Variants in ADAMTS3 observed in about 807,000 individuals in gnomAD.
ADAMTS3 encodes the protein ADAM metallopeptidase with thrombospondin type 1 motif 3.
Under a neutral mutation model 129.0 loss-of-function variants are expected in ADAMTS3, and 73 were observed. That is an observed-to-expected ratio of 0.57 (90% confidence interval 0.47 to 0.69). ADAMTS3 has a LOEUF of 0.69. ADAMTS3 is among the 30% of genes least tolerant of loss of function. ADAMTS3 has a pLI of 0.00. For synonymous variants in ADAMTS3, 477 were observed against 510.8 expected (o/e 0.93, Z 0.89); for missense variants, 1,457 against 1,514.5 (o/e 0.96, Z 0.63).
chr4:72,318,791 T>C, intron 9 of ADAMTS3, 87 bp from the exon 10 acceptor site: 2 of 1,334,100 alleles, frequency 1.5e-6, no homozygotes, highest in South Asian at 2.9e-5. Flanking sequence ...TTAGCTTATA[T>C]ACTTTAGAAT....
At chr4:72,518,346 A>G (rs2109736811) in intron 3 of ADAMTS3, among the ~76,000 whole-genome samples, 1 of 152,286 alleles carries the variant, frequency 6.6e-6, no homozygotes, top group South Asian at 2.1e-4. Flanking sequence ...GTAGATGTCT[A>G]TTAGGTACAC....
At chr4:72,395,129 C>CCA (rs1211988751) in intron 4 of ADAMTS3, among the ~76,000 whole-genome samples, 2 of 151,978 alleles carry the variant, frequency 1.3e-5, no homozygotes, top group Non-Finnish European at 2.9e-5. Context: ...TTCACCATGT[C>CCA]GATCAGGCTG....
intron 3 of ADAMTS3, among the ~76,000 whole-genome samples, chr4:72,479,081 C>T (rs147824424): frequency 5.9e-5 from 9 of 152,082 alleles, no homozygotes; most frequent in African/African-American, 1.4e-4. Context: ...ATGCTCATGG[C>T]TAGGAAGAAT....
intron 4 of ADAMTS3, among the ~76,000 whole-genome samples, chr4:72,392,913 G>C (rs942750183): frequency 6.0e-5 from 4 of 66,292 alleles, no homozygotes; most frequent in African/African-American, 1.6e-4. Context: ...TCTACCCATC[G>C]GATTTTTTTT....
chr4:72,489,589 G>T (rs1418413052), intron 3 of ADAMTS3, among the ~76,000 whole-genome samples: 3 of 151,904 alleles, frequency 2.0e-5, no homozygotes, highest in African/African-American at 7.2e-5. Context: ...TCCTTCTGAG[G>T]TATAGTCAGA....
chr4:72,474,727 A>T (rs144185730), intron 3 of ADAMTS3, among the ~76,000 whole-genome samples: 2,509 of 152,282 alleles, frequency 0.016, 62 homozygotes, highest in African/African-American at 0.057. Context: ...GCTATTAATA[A>T]ATCAAAATAG....
intron 3 of ADAMTS3, among the ~76,000 whole-genome samples, chr4:72,444,685 A>T (rs1349203600): frequency 6.6e-6 from 1 of 151,820 alleles, no homozygotes; most frequent in Admixed American, 6.6e-5. Flanking sequence ...GGAAAATAGC[A>T]TAGGCTACGT....
intron 15 of ADAMTS3, 31 bp from the exon 16 acceptor site, chr4:72,306,098 C>G: frequency 1.3e-6 from 2 of 1,542,934 alleles, no homozygotes; most frequent in Non-Finnish European, 1.8e-6. Flanking sequence ...TTGTAGGAAG[C>G]AAAGAAGAAA....
intron 3 of ADAMTS3, among the ~76,000 whole-genome samples, chr4:72,464,886 C>G (rs1232364123): frequency 2.0e-5 from 3 of 152,004 alleles, no homozygotes; most frequent in Non-Finnish European, 1.5e-5. Context: ...CAAGCATTCA[C>G]AATCACAAGG....
chr4:72,292,496 G>T (rs1026757259), intron 19 of ADAMTS3, among the ~76,000 whole-genome samples: 1 of 152,156 alleles, frequency 6.6e-6, no homozygotes, highest in Non-Finnish European at 1.5e-5. Flanking sequence ...AAATGCACCC[G>T]ATAGAAACAT....
intron 4 of ADAMTS3, among the ~76,000 whole-genome samples, chr4:72,366,194 C>T: frequency 6.6e-6 from 1 of 152,200 alleles, no homozygotes; most frequent in East Asian, 1.9e-4. Flanking sequence ...GCTCACATGT[C>T]TTGGCTCTCT....
intron 4 of ADAMTS3, among the ~76,000 whole-genome samples, chr4:72,359,558 G>A (rs1406401078): frequency 2.6e-5 from 4 of 151,854 alleles, no homozygotes; most frequent in African/African-American, 7.3e-5. Context: ...AATATAAATG[G>A]CTAAATATTT....
At chr4:72,372,044 C>T (rs1298490686) in intron 4 of ADAMTS3, among the ~76,000 whole-genome samples, 2 of 152,024 alleles carry the variant, frequency 1.3e-5, no homozygotes, top group Admixed American at 1.3e-4. Flanking sequence ...AAGAAAACAT[C>T]ACAGTGGAAA....
chr4:72,425,776 T>C (rs1376763925), intron 3 of ADAMTS3, among the ~76,000 whole-genome samples: 2 of 151,736 alleles, frequency 1.3e-5, no homozygotes, highest in Non-Finnish European at 2.9e-5. Context: ...CTATTGTGAA[T>C]AGTGCCACAA....
chr4:72,322,950 A>C, intron 6 of ADAMTS3, 64 bp downstream of exon 6: 1 of 1,283,800 alleles, frequency 7.8e-7, no homozygotes, highest in Non-Finnish European at 1.1e-6. Context: ...AGCTTGAACA[A>C]TTTAGTCTTC....
At chr4:72,370,019 G>A (rs778046245) in intron 4 of ADAMTS3, among the ~76,000 whole-genome samples, 16 of 152,140 alleles carry the variant, frequency 1.1e-4, no homozygotes, top group South Asian at 2.1e-4. Context: ...TTCATCCAGC[G>A]TTGTTTCTGG....
At chr4:72,464,063 C>A (rs2109986845) in intron 3 of ADAMTS3, among the ~76,000 whole-genome samples, 1 of 152,098 alleles carries the variant, frequency 6.6e-6, no homozygotes, top group African/African-American at 2.4e-5. Flanking sequence ...ATCTAAAAAG[C>A]ACAGATTCAG....
intron 3 of ADAMTS3, among the ~76,000 whole-genome samples, chr4:72,505,443 C>CA (rs1453547222): frequency 1.3e-5 from 2 of 152,130 alleles, no homozygotes; most frequent in Admixed American, 6.5e-5. Flanking sequence ...CGGCTATGGC[C>CA]AATAAGGCAG....
rs753342138 is a variant in ADAMTS3, at chr4:72,323,054, T to G, written c.905A>C (p.Asn302Thr). The G allele has an allele frequency of 6.2e-7, 1 of 1,613,676 alleles. No individual in the cohort carries two copies. Among genetic ancestry groups the G allele is most frequent in the African/African-American group, 1.3e-5 (1 of 75,032 alleles). ...YHDESLGVHI[N>T]VVLVRMIMLG... ...CATTATCATGCGCACCAGGACCACA[T>G]TTATATGCACTCCGAGGGACTCATC... The change falls in exon 6 of 22, where the codon AAT (asparagine) becomes ACT (threonine). Residue 302 changes from asparagine to threonine, a missense_variant. Asn to Thr is a moderately conservative substitution (Grantham distance 65). Coordinates refer to ENST00000286657, the MANE Select transcript of ADAMTS3 (RefSeq NM_014243.3).
Sources: allele counts gnomAD v4.1 joint callset (sites outside exome capture counted in the v4.1 genomes callset), GRCh38; gene constraint gnomAD v4.1.1; transcripts MANE v1.5; gene names NCBI Gene and HGNC (gene_info 2026-07-23, HGNC 2026-07-21).